Variants in RSKR observed in about 807,000 individuals in gnomAD.
The protein encoded by RSKR is ribosomal protein S6 kinase related.
In RSKR, 44 loss-of-function variants were observed where a neutral mutation model predicts 56.8. That is an observed-to-expected ratio of 0.77 (90% confidence interval 0.61 to 1.00). The LOEUF (loss-of-function observed/expected upper bound fraction) is 1.00. Ranked by LOEUF, RSKR falls within the 50% of genes least tolerant of loss-of-function variation. The pLI is 0.00. For synonymous variants in RSKR, 181 were observed against 188.0 expected, an observed-to-expected ratio of 0.96 and a Z score of 0.30; for missense variants, 510 against 506.9, an observed-to-expected ratio of 1.01 and a Z score of -0.06.
At chr17:28,613,762 T>C in intron 1 of RSKR, 74 bp from the exon 2 acceptor site, 1 of 1,583,190 alleles carries the variant, frequency 6.3e-7, no homozygotes, top group Non-Finnish European at 8.6e-7. Context: ...TACTAGGCAC[T>C]CCCTCCCCTT....
chr17:28,612,998 AAAG>A (rs759932444), intron 4 of RSKR, 77 bp downstream of exon 4: 4 of 1,462,676 alleles, frequency 2.7e-6, no homozygotes, highest in East Asian at 4.5e-5. Flanking sequence ...AGAACCAGGA[AAAG>A]AAGGTGGGCA....
chr17:28,613,528 G>T lies in RSKR; in HGVS notation c.236C>A (p.Pro79His). ...LKPAPVLVEK[P>H]LPEWPVPQFI... ...CTGAGGCACTGGCCACTCTGGCAGA[G>T]GCTTCTCTACCAGTACTGGGGCTGG... Residue 79 changes from proline to histidine, a missense_variant, in exon 2 of 12, where the codon CCT becomes CAT. Transcript: ENST00000301037. 1 of 1,614,236 alleles carries T rather than the reference G, an allele frequency of 6.2e-7. No homozygotes were observed. The highest frequency in any genetic ancestry group is 8.5e-7 in the Non-Finnish European group (1 of 1,180,046).
chr17:28,613,910 C>A, intron 1 of RSKR, 177 bp downstream of exon 1: 1 of 983,350 alleles, frequency 1.0e-6, no homozygotes, highest in Non-Finnish European at 1.5e-6. Flanking sequence ...CACCATGACG[C>A]ATTAAGAGTA....
chr17:28,608,943 T>C lies in RSKR; in HGVS notation c.*1535A>G, dbSNP rs2070777353. On this transcript the variant is annotated 3_prime_UTR_variant, in exon 12 of 12. Coordinates refer to ENST00000301037, the MANE Select transcript of RSKR (RefSeq NM_001174103.2). ...GTTTAAGAAAAATGAAAAGAAGTCA[T>C]AAAGGCCAAAACTGTATACAAATTT... is the stretch of plus-strand genomic sequence containing the variant. The C allele has an allele frequency of 6.9e-6, 1 of 145,724 alleles. No homozygotes were observed. The highest frequency in any genetic ancestry group is 2.5e-5 in the African/African-American group (1 of 39,780). The allele number at this position is 145,724 out of a possible 1,614,324, so 9.0% of individuals were successfully genotyped here.
chr17:28,610,828 T>C, intron 11 of RSKR, 129 bp from the exon 12 acceptor site: 1 of 951,068 alleles, frequency 1.1e-6, no homozygotes, highest in Non-Finnish European at 1.5e-6. Flanking sequence ...GAGTAGATGA[T>C]TTGTAAAAGA....
rs755730596 is a variant in RSKR, at chr17:28,612,707, G to A, written c.478-20C>T. 1.9e-6 allele frequency: 3 copies of A among 1,613,158 alleles called. No individual in the cohort carries two copies. Among genetic ancestry groups the A allele is most frequent in the South Asian group, 1.1e-5 (1 of 91,058 alleles). On this transcript the variant is annotated intron_variant, in intron 4 of 11. Coordinates refer to ENST00000301037, the MANE Select transcript of RSKR (RefSeq NM_001174103.2). ...CTGTCGCTAGGAACAAAGAAAACAGGAAGTTAGGGAGGAACAGGGTCATTG... is the reference window on the plus strand; with the variant it reads ...CTGTCGCTAGGAACAAAGAAAACAGAAAGTTAGGGAGGAACAGGGTCATTG...
intron 1 of RSKR, 133 bp from the exon 2 acceptor site, chr17:28,613,821 A>G (rs2070864884): frequency 4.6e-6 from 6 of 1,312,106 alleles, no homozygotes; most frequent in Non-Finnish European, 6.2e-6. Flanking sequence ...CAAAATTCCC[A>G]TTACCCTTGC....
chr17:28,610,839 G>T, intron 11 of RSKR, 140 bp from the exon 12 acceptor site: 1 of 893,498 alleles, frequency 1.1e-6, no homozygotes, highest in Non-Finnish European at 1.7e-6. Context: ...TTGTAAAAGA[G>T]GGAGAAATAG....
chr17:28,612,875 G>A, intron 4 of RSKR, 188 bp from the exon 5 acceptor site: 1 of 738,598 alleles, frequency 1.4e-6, no homozygotes, highest in Admixed American at 2.4e-5. Context: ...GGAATACACT[G>A]GGACATGCTT....
chr17:28,611,303 G>A, intron 10 of RSKR, 50 bp from the exon 11 acceptor site: 2 of 1,530,152 alleles, frequency 1.3e-6, no homozygotes, highest in Non-Finnish European at 1.8e-6. Flanking sequence ...TCATTCCTTA[G>A]TAGGAATACG....
In RSKR at chr17:28,611,466, C is replaced by T; in HGVS notation, c.827G>A (p.Ser276Asn). Reference sequence around the variant, plus strand: ...AGCAGCATGGTTGTAAGGTCCTCCACTTAGGACCTCTGGGGCTACAGATTT... The same window carrying T: ...AGCAGCATGGTTGTAAGGTCCTCCATTTAGGACCTCTGGGGCTACAGATTT... ...TLQYMAPEVL[S>N]GGPYNHAADW... Residue 276 changes from serine to asparagine, a missense_variant, in exon 10 of 12, where the codon AGT becomes AAT. Coordinates refer to ENST00000301037, the MANE Select transcript of RSKR (RefSeq NM_001174103.2). 4 of 1,603,822 alleles carry T rather than the reference C, an allele frequency of 2.5e-6. No homozygotes were observed. The highest frequency in any genetic ancestry group is 3.4e-6 in the Non-Finnish European group (4 of 1,177,538).
Position 28,614,166 on chromosome 17 carries a change from AGCCTCT to A in RSKR, c.-11_-6del. 1 of 1,613,152 alleles carries A rather than the reference AGCCTCT, an allele frequency of 6.2e-7. No homozygotes were observed. The highest frequency in any genetic ancestry group is 8.5e-7 in the Non-Finnish European group (1 of 1,179,934). ...CCGACAGCTTACTGCTCCCATTCCC[AGCCTCT>A]GCCTCCTCTCTCTGCTAAATCTGCT... On this transcript the variant is annotated 5_prime_UTR_variant, in exon 1 of 12. Transcript: ENST00000301037.
rs373117570 is a variant in RSKR, at chr17:28,610,452, C to A, written c.*26G>T. The A allele has an allele frequency of 1.2e-4, 184 of 1,529,766 alleles. No homozygotes were observed. The East Asian group carries it at 3.7e-3, about 31-fold the overall frequency. The allele number at this position is 1,529,766 out of a possible 1,614,324, so 94.8% of individuals were successfully genotyped here. A position where few individuals can be genotyped will look rare whatever the true frequency, so the allele number is the denominator to read the frequency against. On this transcript the variant is annotated 3_prime_UTR_variant, in exon 12 of 12. Transcript: ENST00000301037. ...GGATGGAGATCTTCAGGCTCCCAGC[C>A]GGGCCCCAATTTACAGTAGAGAGGC...
In RSKR at chr17:28,608,809, C is replaced by T. The variant is rs1365834129; in HGVS notation, c.*1669G>A. Reference sequence around the variant, plus strand: ...ATAAATAGAACTAAAGAGTACTCTCCAGACTGTCTTTTGTCTAGAGAGATT... The same window carrying T: ...ATAAATAGAACTAAAGAGTACTCTCTAGACTGTCTTTTGTCTAGAGAGATT... On this transcript the variant is annotated 3_prime_UTR_variant, in exon 12 of 12. Transcript: ENST00000301037. 6.6e-6 allele frequency: 1 copy of T among 152,106 alleles called. No homozygotes were observed. The highest frequency in any genetic ancestry group is 1.5e-5 in the Non-Finnish European group (1 of 68,026). The allele number at this position is 152,106 out of a possible 1,614,324, so 9.4% of individuals were successfully genotyped here.
Position 28,613,086 on chromosome 17 carries a change from T to C in RSKR, c.469A>G (p.Ser157Gly), listed in dbSNP as rs770167026. 9.3e-6 allele frequency: 15 copies of C among 1,614,164 alleles called. No homozygotes were observed. The highest frequency in any genetic ancestry group is 1.3e-5 in the Non-Finnish European group (15 of 1,180,026). Residue 157 changes from serine to glycine, a missense_variant, in exon 4 of 12, where the codon AGC (serine) becomes GGC (glycine). Transcript: ENST00000301037. The stretch of plus-strand genomic sequence containing the variant: ...CAGGACTCTGTGCATACCTGGATGC[T>C]AACCTCCTCTTTGCACTGCCTCACG... ...DTVRQCKEEV[S>G]IQRQINHPFV...
In RSKR at chr17:28,610,664, A is replaced by G; in HGVS notation, c.1047T>C (p.Tyr349=). ...AAGGGTGGACCTGGAAGTGATGCAGATAACGTAGACGATGGAGGGGGTTCT... is the reference window on the plus strand; with the variant it reads ...AAGGGTGGACCTGGAAGTGATGCAGGTAACGTAGACGATGGAGGGGGTTCT... ...LCQNPLHRLR[Y]LHHFQVHPFF... is the part of the protein sequence containing the mutation. Residue 349 remains tyrosine, a synonymous_variant, in exon 12 of 12, where the codon TAT becomes TAC. Transcript: ENST00000301037. The G allele has an allele frequency of 1.3e-6, 2 of 1,536,188 alleles. No individual in the cohort carries two copies. The highest frequency in any genetic ancestry group is 2.0e-5 in the Admixed American group (1 of 51,004).
rs1194503366 is a variant in RSKR at position 28,612,280 on chromosome 17, C to G, written c.634G>C (p.Glu212Gln). The change falls in exon 6 of 12, where the codon GAG becomes CAG. Residue 212 changes from glutamate to glutamine, a missense_variant. Glu to Gln is a conservative substitution (Grantham distance 29, BLOSUM62 2). Coordinates refer to ENST00000301037, the MANE Select transcript of RSKR (RefSeq NM_001174103.2). Reference sequence around the variant, plus strand: ...CACTTACACAGTACCAGCACCAACTCGGCAGCAAAGAGACGGATGGAAGCC... The same window carrying G: ...CACTTACACAGTACCAGCACCAACTGGGCAGCAAAGAGACGGATGGAAGCC... The part of the protein sequence containing the change: ...PEASIRLFAA[E>Q]LVLVLCYLHD... 5 of 1,614,060 alleles carry G rather than the reference C, an allele frequency of 3.1e-6. No homozygotes were observed. The highest frequency in any genetic ancestry group is 4.2e-6 in the Non-Finnish European group (5 of 1,180,028).
chr17:28,612,211 T>C, intron 6 of RSKR, 51 bp downstream of exon 6: 1 of 1,601,582 alleles, frequency 6.2e-7, no homozygotes, highest in Non-Finnish European at 8.6e-7. Flanking sequence ...ACTCTCCTTC[T>C]TCCGAACTTA....
In RSKR at chr17:28,612,699, GA is replaced by G; in HGVS notation, c.478-13del. ...TGGTTGATCTGTCGCTAGGAACAAA[GA>G]AAACAGGAAGTTAGGGAGGAACAGG... On this transcript the variant is annotated splice_polypyrimidine_tract_variant and intron_variant, in intron 4 of 11. Coordinates refer to ENST00000301037, the MANE Select transcript of RSKR (RefSeq NM_001174103.2). 2.5e-6 allele frequency: 4 copies of G among 1,614,014 alleles called. No individual in the cohort carries two copies. Among genetic ancestry groups the G allele is most frequent in the Non-Finnish European group, 3.4e-6 (4 of 1,179,894 alleles).
Sources: allele counts gnomAD v4.1 joint callset, GRCh38; gene constraint gnomAD v4.1.1; transcripts MANE v1.5; gene names NCBI Gene and HGNC (gene_info 2026-07-23, HGNC 2026-07-21).